The following EYS variants were observed in gnomAD, a reference collection of about 807,000 sequenced individuals.
EYS encodes protein eyes shut homolog.
In EYS, 250 loss-of-function variants were observed where a neutral mutation model predicts 282.1. The ratio of observed to expected loss-of-function variants is 0.89; its 90% CI spans 0.80 to 0.98. The LOEUF is 0.98. Among genes scored for constraint, EYS ranks in the 50% least tolerant of loss-of-function variants. The pLI, the probability that EYS is intolerant of heterozygous loss-of-function variation, is 0.00. For synonymous variants in EYS, 1,355 were observed against 1,282.9 expected (o/e 1.06, Z -1.20); for missense variants, 4,016 against 3,709.0 (o/e 1.08, Z -2.15).
At chr6:64,848,452 T>G (rs1456983584) in intron 19 of EYS, among the ~76,000 whole-genome samples, 3 of 152,046 alleles carry the variant, frequency 2.0e-5, no homozygotes, top group African/African-American at 7.2e-5. Flanking sequence ...GTAAAGCTAG[T>G]GAAAAGCAAG....
rs1218185521 is a variant in EYS, at chr6:64,808,304, ATT to A, written c.3443+5072_3443+5073del. On this transcript the variant is annotated intron_variant, in intron 22 of 42. Transcript: ENST00000503581. ...TCAGAGTTTATCACATTAAATTAGCATTTTATGGTAACAATTCAATTAGGCTT... is the reference window on the plus strand; with the variant it reads ...TCAGAGTTTATCACATTAAATTAGCATTATGGTAACAATTCAATTAGGCTT... Among the ~76,000 whole-genome samples, 5 of 152,238 alleles carry A rather than the reference ATT, an allele frequency of 3.3e-5. No homozygotes were observed. In the East Asian group the frequency reaches 7.7e-4, roughly 24 times the overall value.
rs181332886 is a variant in EYS, at chr6:65,410,357, A to G, written c.863-4990T>C. 3.9e-5 allele frequency among the ~76,000 whole-genome samples: 6 copies of G among 152,190 alleles called. No homozygotes were observed. In the East Asian group the frequency reaches 9.7e-4, roughly 24 times the overall value. On this transcript the variant is annotated intron_variant, in intron 5 of 42. Coordinates refer to ENST00000503581, the MANE Select transcript of EYS (RefSeq NM_001142800.2). The stretch of plus-strand genomic sequence containing the variant: ...TAATGATCCAATCGGGATAGTTAGT[A>G]TATCTATCACCTCATGCCTTTATCA...
At chr6:65,087,204 C>G (rs1774407336) in intron 12 of EYS, among the ~76,000 whole-genome samples, 3 of 151,998 alleles carry the variant, frequency 2.0e-5, no homozygotes, top group Admixed American at 2.0e-4. Context: ...TTTCCATCCT[C>G]TCACACACTA....
Position 63,726,705 on chromosome 6 carries a change from T to C in EYS, c.8072-25A>G, listed in dbSNP as rs549048238. 3 of 1,537,692 alleles carry C rather than the reference T, an allele frequency of 2.0e-6. No individual in the cohort carries two copies. The Admixed American group carries it at 6.1e-5, about 31-fold the overall frequency. The stretch of plus-strand genomic sequence containing the variant: ...GCTGAGGGAAGGAGAGAAAGAGAAC[T>C]CTGGGAGTTATCTGCTGGATTAAAA... On this transcript the variant is annotated intron_variant, in intron 41 of 42. Transcript: ENST00000503581.
At chr6:64,359,486 G>T (rs538806813) in intron 29 of EYS, among the ~76,000 whole-genome samples, 2 of 151,582 alleles carry the variant, frequency 1.3e-5, no homozygotes, top group African/African-American at 4.8e-5. Context: ...AAATACATTC[G>T]TACTTTACAA....
At chr6:64,887,206 C>T (rs1294306593) in intron 18 of EYS, among the ~76,000 whole-genome samples, 1 of 144,506 alleles carries the variant, frequency 6.9e-6, no homozygotes, top group African/African-American at 2.6e-5. Context: ...CGCATGTTCT[C>T]ACTCATAGGT....
At position 64,591,325 on chromosome 6, in the gene EYS, G is replaced by C; in HGVS notation, c.4542C>G (p.His1514Gln). The C allele has an allele frequency of 2.6e-6, 4 of 1,551,344 alleles. No homozygotes were observed. Among genetic ancestry groups the C allele is most frequent in the Non-Finnish European group, 3.5e-6 (4 of 1,146,766 alleles). The change falls in exon 26 of 43, where the codon CAC becomes CAG. Residue 1514 changes from histidine to glutamine, a missense_variant. His to Gln is a conservative substitution (Grantham distance 24). Transcript: ENST00000503581. ...GATTGAAGGCTTTTGTACTGAACCGGTGCAGAGCTGATGAGTTTAAGATGG... is the reference window on the plus strand; with the variant it reads ...GATTGAAGGCTTTTGTACTGAACCGCTGCAGAGCTGATGAGTTTAAGATGG... ...QVTILNSSALHRFSTKAFNPS... is the reference protein window; with the variant it reads ...QVTILNSSALQRFSTKAFNPS...
chr6:64,717,736 T>A (rs781004920), intron 22 of EYS, among the ~76,000 whole-genome samples: 2 of 152,190 alleles, frequency 1.3e-5, no homozygotes, highest in Non-Finnish European at 2.9e-5. Context: ...ATGAGGCTTT[T>A]CTCAAAATTC....
intron 31 of EYS, among the ~76,000 whole-genome samples, chr6:64,143,806 G>A (rs908618040): frequency 6.6e-6 from 1 of 152,092 alleles, no homozygotes; most frequent in Admixed American, 6.6e-5. Flanking sequence ...ATGAGTTTCT[G>A]GTATATATAT....
At chr6:65,060,333 G>A (rs998274364) in intron 12 of EYS, among the ~76,000 whole-genome samples, 3 of 150,740 alleles carry the variant, frequency 2.0e-5, no homozygotes, top group South Asian at 2.1e-4. Flanking sequence ...AACACAATAC[G>A]TATACACCCA....
chr6:64,852,650 C>G lies in EYS; in HGVS notation c.2993-29828G>C, dbSNP rs1364224934. On this transcript the variant is annotated intron_variant, in intron 19 of 42. Coordinates refer to ENST00000503581, the MANE Select transcript of EYS (RefSeq NM_001142800.2). The stretch of plus-strand genomic sequence containing the variant: ...ATGAGGTTATACTGAAATAAGATCA[C>G]TCATAAGTCCATTGACTGATGTCTT... Among the ~76,000 whole-genome samples, 4 of 152,098 alleles carry G rather than the reference C, an allele frequency of 2.6e-5. No individual in the cohort carries two copies. The East Asian group carries it at 7.7e-4, about 29-fold the overall frequency.
chr6:65,634,186 C>T (rs1306683851), intron 2 of EYS, among the ~76,000 whole-genome samples: 1 of 152,144 alleles, frequency 6.6e-6, no homozygotes, highest in Non-Finnish European at 1.5e-5. Context: ...AAGAGACAAA[C>T]ATATGGACAA....
intron 7 of EYS, among the ~76,000 whole-genome samples, chr6:65,395,152 C>T (rs942456855): frequency 1.3e-5 from 2 of 152,366 alleles, no homozygotes; most frequent in South Asian, 4.1e-4. Context: ...CAACCTCTGC[C>T]TCCCAGATTC....
intron 22 of EYS, chr6:64,733,965 G>A (rs1293438969): frequency 1.3e-5 from 2 of 153,000 alleles, no homozygotes; most frequent in African/African-American, 4.8e-5. Context: ...TTAAAGAAAT[G>A]AAGAAGTATT....
At chr6:64,114,567 A>T (rs1301775014) in intron 31 of EYS, among the ~76,000 whole-genome samples, 1 of 152,198 alleles carries the variant, frequency 6.6e-6, no homozygotes, top group East Asian at 1.9e-4. Context: ...TGCCAGAAAC[A>T]TCTAGAGATA....
At chr6:64,664,152 G>C (rs1024925984) in intron 22 of EYS, among the ~76,000 whole-genome samples, 1 of 152,206 alleles carries the variant, frequency 6.6e-6, no homozygotes, top group Non-Finnish European at 1.5e-5. Flanking sequence ...GTATGCAGTT[G>C]CATGATTTAA....
intron 1 of EYS, among the ~76,000 whole-genome samples, chr6:65,687,622 G>A (rs941234943): frequency 6.6e-6 from 1 of 152,106 alleles, no homozygotes; most frequent in Non-Finnish European, 1.5e-5. Flanking sequence ...CATTCAATTA[G>A]GAAAAGAGGA....
At chr6:64,264,113 A>AC (rs1767678752) in intron 30 of EYS, among the ~76,000 whole-genome samples, 1 of 151,698 alleles carries the variant, frequency 6.6e-6, no homozygotes, top group Non-Finnish European at 1.5e-5. Flanking sequence ...AACAACAACA[A>AC]AACAATGAAT....
intron 26 of EYS, among the ~76,000 whole-genome samples, chr6:64,547,228 C>T (rs180674334): frequency 1.0e-3 from 159 of 152,164 alleles, no homozygotes; most frequent in African/African-American, 3.6e-3. Flanking sequence ...GAAGGGGACC[C>T]GAGTGGGTTG....
Sources: allele counts gnomAD v4.1 joint callset (sites outside exome capture counted in the v4.1 genomes callset), GRCh38; gene constraint gnomAD v4.1.1; transcripts MANE v1.5; gene names NCBI Gene and HGNC (gene_info 2026-07-23, HGNC 2026-07-21).